WDR49: variants seen among roughly 807,000 people sequenced by gnomAD.
The protein encoded by WDR49 is WD repeat domain 49, also known as cilia- and flagella-associated protein 337.
In WDR49, 107 loss-of-function variants were observed where a neutral mutation model predicts 119.5. That is an observed-to-expected ratio of 0.90 (90% CI 0.77 to 1.05). WDR49 has a LOEUF of 1.05. WDR49 is among the 50% of genes least tolerant of loss of function. The pLI, the probability that WDR49 is intolerant of heterozygous loss-of-function variation, is 0.00. For missense variants in WDR49, 1,240 were observed against 1,220.5 expected, an observed-to-expected ratio of 1.02 and a Z score of -0.24; for synonymous variants, 425 against 418.8, an observed-to-expected ratio of 1.01 and a Z score of -0.18.
chr3:167,583,371 T>C (rs1209610968), intron 7 of WDR49, among the ~76,000 whole-genome samples: 2 of 152,082 alleles, frequency 1.3e-5, no homozygotes, highest in African/African-American at 4.8e-5. Flanking sequence ...TAAGGGGTCT[T>C]CCTGCTTCAA....
Position 167,533,008 on chromosome 3 carries a change from G to T in WDR49, c.1955-31C>A, listed in dbSNP as rs115823661. 8,593 of 1,477,742 alleles carry T rather than the reference G, an allele frequency of 5.8e-3. 400 individuals are homozygous for T. The African/African-American group carries it at 0.11, about 18-fold the overall frequency. 91.5% of individuals were successfully genotyped at this position (1,477,742 alleles called of 1,614,324 possible). On this transcript the variant is annotated intron_variant, in intron 11 of 18. Coordinates refer to ENST00000682715, the MANE Select transcript of WDR49 (RefSeq NM_001366157.1). ...CAAGACAGGATGGAGAATATAAATT[G>T]CCAGGAGATTAAGATAGAAAATATG...
At chr3:167,654,245 A>G (rs1290136626), upstream of WDR49, among the ~76,000 whole-genome samples, 1 of 152,142 alleles carries the variant, frequency 6.6e-6, no homozygotes, top group Non-Finnish European at 1.5e-5. Flanking sequence ...CTGGAATTTT[A>G]TGTTTTATAC....
intron 3 of WDR49, among the ~76,000 whole-genome samples, chr3:167,625,624 A>C (rs1388491803): frequency 6.6e-6 from 1 of 152,034 alleles, no homozygotes; most frequent in Non-Finnish European, 1.5e-5. Flanking sequence ...ACCCCTAAAA[A>C]ATTCATGGAT....
chr3:167,542,764 G>A (rs928867241), intron 10 of WDR49, among the ~76,000 whole-genome samples: 7 of 151,644 alleles, frequency 4.6e-5, no homozygotes, highest in Non-Finnish European at 8.8e-5. Context: ...CCCAAACCCA[G>A]CAGAAGAAAA....
intron 8 of WDR49, among the ~76,000 whole-genome samples, chr3:167,566,432 G>A (rs1382842091): frequency 6.6e-6 from 1 of 152,078 alleles, no homozygotes; most frequent in Non-Finnish European, 1.5e-5. Context: ...ACTATCTTTA[G>A]GATGTATTGT....
Position 167,536,851 on chromosome 3 carries a change from A to C in WDR49, c.1954+19T>G. 1.4e-6 allele frequency: 2 copies of C among 1,474,524 alleles called. No individual in the cohort carries two copies. Among genetic ancestry groups the C allele is most frequent in the Non-Finnish European group, 1.8e-6 (2 of 1,109,342 alleles). The allele number at this position is 1,474,524 out of a possible 1,614,324, so 91.3% of individuals were successfully genotyped here. A position where few individuals can be genotyped will look rare whatever the true frequency, so the allele number is the denominator to read the frequency against. On this transcript the variant is annotated intron_variant, in intron 11 of 18. Coordinates refer to ENST00000682715, the MANE Select transcript of WDR49 (RefSeq NM_001366157.1). ...AAATCAAACTTCACCAATGATTGTC[A>C]AGTGAAAGTTCAATTTACCCGTAAC...
rs376847057 is a variant in WDR49, at chr3:167,537,046, T to C, written c.1824-46A>G. On this transcript the variant is annotated intron_variant, in intron 10 of 18. Coordinates refer to ENST00000682715, the MANE Select transcript of WDR49 (RefSeq NM_001366157.1). The stretch of plus-strand genomic sequence containing the variant: ...TTTAGCTGTGGATCTAAAATTGATG[T>C]AGACATTGAGTAGCCACTATCCACT... 2.0e-5 allele frequency: 30 copies of C among 1,516,644 alleles called. No homozygotes were observed. In the East Asian group the frequency reaches 2.5e-4, roughly 13 times the overall value. The allele number at this position is 1,516,644 out of a possible 1,614,324, so 93.9% of individuals were successfully genotyped here.
intron 2 of WDR49, among the ~76,000 whole-genome samples, chr3:167,641,426 G>A (rs1031549005): frequency 6.6e-6 from 1 of 151,770 alleles, no homozygotes; most frequent in Non-Finnish European, 1.5e-5. Flanking sequence ...TGAGATATTG[G>A]TATATCTTAG....
intron 7 of WDR49, among the ~76,000 whole-genome samples, chr3:167,593,256 T>C (rs1430237542): frequency 1.3e-5 from 2 of 152,108 alleles, no homozygotes; most frequent in African/African-American, 4.8e-5. Context: ...TTGTTGAGAC[T>C]GTTTTCTAGA....
chr3:167,657,885 G>T (rs1016870665), upstream of WDR49, among the ~76,000 whole-genome samples: 1 of 152,200 alleles, frequency 6.6e-6, no homozygotes, highest in Admixed American at 6.5e-5. Context: ...CGCTGGCTCT[G>T]TGTAAAGGAA....
At chr3:167,626,824 A>C (rs758160745) in intron 3 of WDR49, 28 bp downstream of exon 3, 2 of 1,232,070 alleles carry the variant, frequency 1.6e-6, no homozygotes, top group African/African-American at 1.6e-5. Context: ...TTTTACAAGC[A>C]GTACATTTTT....
At chr3:167,566,348 T>C (rs1243633093) in intron 8 of WDR49, among the ~76,000 whole-genome samples, 1 of 152,110 alleles carries the variant, frequency 6.6e-6, no homozygotes, top group African/African-American at 2.4e-5. Flanking sequence ...TGCTCAAAGT[T>C]TGGAATATGC....
chr3:167,627,342 TA>T (rs1324214822), intron 2 of WDR49, 50 bp from the exon 3 acceptor site: 5 of 1,221,744 alleles, frequency 4.1e-6, no homozygotes, highest in Non-Finnish European at 4.1e-6. Flanking sequence ...GAAATCATCA[TA>T]TGCATGAGAG....
At chr3:167,637,700 C>T (rs1717686078) in intron 2 of WDR49, among the ~76,000 whole-genome samples, 3 of 151,690 alleles carry the variant, frequency 2.0e-5, no homozygotes, top group Admixed American at 2.0e-4. Flanking sequence ...CTGTAGAAGT[C>T]TTTCACCTCA....
intron 10 of WDR49, among the ~76,000 whole-genome samples, chr3:167,540,916 AG>A (rs1385710770): frequency 6.6e-6 from 1 of 152,124 alleles, no homozygotes; most frequent in Admixed American, 6.5e-5. Flanking sequence ...TGCACTGGAA[AG>A]TTTCAACAAT....
chr3:167,610,667 C>G (rs1306418066), intron 5 of WDR49, among the ~76,000 whole-genome samples: 1 of 152,216 alleles, frequency 6.6e-6, no homozygotes, highest in Non-Finnish European at 1.5e-5. Context: ...TGGCTGATTG[C>G]AGAGCCCCAG....
rs550494283 is a variant in WDR49 at position 167,495,598 on chromosome 3, G to A, written c.3031+4555C>T. ...TATGTGTAATTGCTATTCCATAACA[G>A]AAGAGAGCAGGAATGAGAATAAAAC... On this transcript the variant is annotated intron_variant, in intron 18 of 18. Transcript: ENST00000682715. Among the ~76,000 whole-genome samples, 4 of 151,834 alleles carry A rather than the reference G, an allele frequency of 2.6e-5. No homozygotes were observed. The South Asian group carries it at 8.3e-4, about 32-fold the overall frequency.
chr3:167,598,402 C>A (rs1405952834), intron 7 of WDR49, among the ~76,000 whole-genome samples: 1 of 152,112 alleles, frequency 6.6e-6, no homozygotes, highest in Non-Finnish European at 1.5e-5. Context: ...GTGTCCCCAC[C>A]CAAATCTCAT....
At chr3:167,630,331 TTAAGA>T (rs1717316210) in intron 2 of WDR49, among the ~76,000 whole-genome samples, 1 of 152,146 alleles carries the variant, frequency 6.6e-6, no homozygotes, top group Non-Finnish European at 1.5e-5. Context: ...TATTTTTTAA[TTAAGA>T]TATGTACACT....
Sources: allele counts gnomAD v4.1 joint callset (sites outside exome capture counted in the v4.1 genomes callset), GRCh38; gene constraint gnomAD v4.1.1; transcripts MANE v1.5; gene names NCBI Gene and HGNC (gene_info 2026-07-23, HGNC 2026-07-21).